Variants in LMNTD1 observed in about 807,000 individuals in gnomAD.
The protein encoded by LMNTD1 is lamin tail domain containing 1, also known as lamin tail domain-containing protein 1.
Under a neutral mutation model 50.9 loss-of-function variants are expected in LMNTD1, and 35 were observed. The ratio of observed to expected loss-of-function variants is 0.69; its 90% CI spans 0.53 to 0.91. The LOEUF is 0.91. Among genes scored for constraint, LMNTD1 ranks in the 40% least tolerant of loss-of-function variants. The probability of loss-of-function intolerance (pLI) is 0.00; values close to 1 mark genes in which losing one functional copy is unlikely to be tolerated. For missense variants in LMNTD1, 470 were observed against 475.5 expected, an observed-to-expected ratio of 0.99 and a Z score of 0.11; for synonymous variants, 153 against 161.9, an observed-to-expected ratio of 0.94 and a Z score of 0.42.
chr12:25,509,087 A>G (rs1940050304), intron 8 of LMNTD1, among the ~76,000 whole-genome samples: 1 of 152,196 alleles, frequency 6.6e-6, no homozygotes, highest in Admixed American at 6.6e-5. Flanking sequence ...GTTTAACTGA[A>G]TTATAATGAA....
At chr12:25,556,381 A>G (rs1944044179), upstream of LMNTD1, among the ~76,000 whole-genome samples, 2 of 152,228 alleles carry the variant, frequency 1.3e-5, no homozygotes, top group Non-Finnish European at 2.9e-5. Context: ...TTCCAAGCTT[A>G]TACAGCCAGT....
intron 1 of LMNTD1, among the ~76,000 whole-genome samples, chr12:25,560,413 G>A (rs1944252456): frequency 6.6e-6 from 1 of 152,042 alleles, no homozygotes; most frequent in South Asian, 2.1e-4. Context: ...TCTCTGTTTT[G>A]GTACCAGTAC....
At chr12:25,589,016 A>G (rs1945620988) in intron 1 of LMNTD1, among the ~76,000 whole-genome samples, 1 of 152,206 alleles carries the variant, frequency 6.6e-6, no homozygotes, top group South Asian at 2.1e-4. Context: ...AGGAACAGAA[A>G]TTCTTACATT....
rs919019201 is a variant in LMNTD1 at position 25,621,780 on chromosome 12, A to G, written c.58+26714T>C. ...TTCTGTCAAGAAGATTACACTCTTG[A>G]GGCAGGAGATAGACTAATAAATATG... On this transcript the variant is annotated intron_variant, in intron 1 of 7. Coordinates refer to the LMNTD1 transcript ENST00000445693. Among the ~76,000 whole-genome samples, 17 of 152,212 alleles carry G rather than the reference A, an allele frequency of 1.1e-4. No individual in the cohort carries two copies. The East Asian group carries it at 3.3e-3, about 29-fold the overall frequency.
At chr12:25,628,392 T>A (rs1335893277) in intron 1 of LMNTD1, among the ~76,000 whole-genome samples, 1 of 152,132 alleles carries the variant, frequency 6.6e-6, no homozygotes, top group Non-Finnish European at 1.5e-5. Context: ...GCTAAATGAT[T>A]TTCAGTAGGT....
intron 1 of LMNTD1, among the ~76,000 whole-genome samples, chr12:25,559,886 T>C (rs1178699767): frequency 6.6e-6 from 1 of 152,126 alleles, no homozygotes; most frequent in African/African-American, 2.4e-5. Flanking sequence ...CACTTTTTGA[T>C]GGGGTTGATT....
At chr12:25,589,750 A>G (rs1945640938) in intron 1 of LMNTD1, among the ~76,000 whole-genome samples, 2 of 152,246 alleles carry the variant, frequency 1.3e-5, no homozygotes. Context: ...CCACAGAATA[A>G]CTATAAAAAT....
chr12:25,615,667 C>T (rs1173731911), intron 1 of LMNTD1, among the ~76,000 whole-genome samples: 4 of 151,924 alleles, frequency 2.6e-5, no homozygotes, highest in Non-Finnish European at 1.5e-5. Context: ...CAACATGTTG[C>T]CCAGGCTGGT....
intron 1 of LMNTD1, among the ~76,000 whole-genome samples, chr12:25,568,938 T>A (rs191468410): frequency 6.6e-5 from 10 of 152,290 alleles, no homozygotes; most frequent in Admixed American, 6.5e-4. Context: ...CACAAGAACC[T>A]CTACTAGGGC....
At chr12:25,508,655 T>C (rs1032067331) in intron 8 of LMNTD1, among the ~76,000 whole-genome samples, 1 of 152,164 alleles carries the variant, frequency 6.6e-6, no homozygotes, top group African/African-American at 2.4e-5. Flanking sequence ...GGGAATGAAA[T>C]TGCTGGTTTA....
At chr12:25,506,523 C>T (rs565753718) in intron 8 of LMNTD1, among the ~76,000 whole-genome samples, 3 of 151,988 alleles carry the variant, frequency 2.0e-5, no homozygotes, top group Non-Finnish European at 4.4e-5. Flanking sequence ...TACAGAAGAA[C>T]GCTGGCAAAA....
chr12:25,507,731 G>C (rs147415369), intron 8 of LMNTD1, among the ~76,000 whole-genome samples: 2 of 152,312 alleles, frequency 1.3e-5, no homozygotes, highest in African/African-American at 4.8e-5. Flanking sequence ...ATTTGCAGCA[G>C]AGGCTGAGAA....
chr12:25,565,205 A>G (rs980549081), intron 1 of LMNTD1, among the ~76,000 whole-genome samples: 2 of 151,858 alleles, frequency 1.3e-5, no homozygotes, highest in African/African-American at 4.8e-5. Flanking sequence ...ATTTATAACT[A>G]AGAACTGACT....
intron 9 of LMNTD1, among the ~76,000 whole-genome samples, chr12:25,479,511 C>T (rs1168566189): frequency 6.6e-6 from 1 of 152,148 alleles, no homozygotes; most frequent in Non-Finnish European, 1.5e-5. Context: ...AAGGCCATTC[C>T]ACTGTTTTAT....
chr12:25,584,842 G>C (rs1378059243), intron 1 of LMNTD1, among the ~76,000 whole-genome samples: 3 of 152,178 alleles, frequency 2.0e-5, no homozygotes, highest in African/African-American at 7.2e-5. Flanking sequence ...TCAGTAAGGA[G>C]TGTTTTTCCA....
chr12:25,476,353 G>A lies in LMNTD1; in HGVS notation c.*130C>T, dbSNP rs1268946731. 6.6e-6 allele frequency: 1 copy of A among 152,152 alleles called. No individual in the cohort carries two copies. Among genetic ancestry groups the A allele is most frequent in the Non-Finnish European group, 1.5e-5 (1 of 68,032 alleles). The allele number at this position is 152,152 out of a possible 1,614,324, so 9.4% of individuals were successfully genotyped here. ...TTGGATCCTTTTTCCATATAGAAAT[G>A]TGATGTCTTCACCCTCTCATGGAAT... On this transcript the variant is annotated 3_prime_UTR_variant, in exon 10 of 10. Transcript: ENST00000458174.
intron 4 of LMNTD1, among the ~76,000 whole-genome samples, chr12:25,545,236 T>C (rs1375970967): frequency 6.6e-6 from 1 of 151,726 alleles, no homozygotes; most frequent in Non-Finnish European, 1.5e-5. Context: ...GGATACACTA[T>C]TCTTGGATAG....
At chr12:25,609,411 T>C (rs1565517575) in intron 1 of LMNTD1, among the ~76,000 whole-genome samples, 2 of 152,224 alleles carry the variant, frequency 1.3e-5, no homozygotes, top group African/African-American at 4.8e-5. Context: ...CTCTGGTTTT[T>C]AGAATTTTCA....
intron 1 of LMNTD1, among the ~76,000 whole-genome samples, chr12:25,632,690 T>A (rs945691654): frequency 2.0e-5 from 3 of 151,822 alleles, no homozygotes; most frequent in African/African-American, 4.8e-5. Context: ...CAAAACAGAA[T>A]CTCTTTAAAG....
Sources: allele counts gnomAD v4.1 joint callset (sites outside exome capture counted in the v4.1 genomes callset), GRCh38; gene constraint gnomAD v4.1.1; transcripts MANE v1.5; gene names NCBI Gene and HGNC (gene_info 2026-07-23, HGNC 2026-07-21).